The following CUX1 variants were observed in gnomAD, a reference collection of about 807,000 sequenced individuals.
The protein encoded by CUX1 is protein CASP.
CUX1 carries 31 observed loss-of-function variants against 158.8 expected under a neutral mutation model. That is an observed-to-expected ratio of 0.20 (90% CI 0.15 to 0.26). CUX1 has a LOEUF of 0.26. Ranked by LOEUF, CUX1 falls within the 10% of genes least tolerant of loss-of-function variation. CUX1 has a pLI of 1.00. For synonymous variants in CUX1, 879 were observed against 862.1 expected, an observed-to-expected ratio of 1.02 and a Z score of -0.34; for missense variants, 1,589 against 2,014.6, an observed-to-expected ratio of 0.79 and a Z score of 4.04.
intron 2 of CUX1, among the ~76,000 whole-genome samples, chr7:101,990,907 G>A (rs1169062974): frequency 6.6e-6 from 1 of 152,100 alleles, no homozygotes; most frequent in African/African-American, 2.4e-5. Flanking sequence ...GGTCCCTGGG[G>A]GTAAAGTGCC....
intron 1 of CUX1, among the ~76,000 whole-genome samples, chr7:101,850,958 AT>A (rs1475111653): frequency 6.6e-6 from 1 of 152,088 alleles, no homozygotes; most frequent in East Asian, 1.9e-4. Context: ...AAATAAAAAA[AT>A]TATCCAGGTG....
At chr7:102,154,477 T>A (rs1372252384) in intron 8 of CUX1, 1 of 147,780 alleles carries the variant, frequency 6.8e-6, no homozygotes, top group Non-Finnish European at 1.5e-5. Context: ...AAAAATTAGC[T>A]AGGCATGGTG....
intron 1 of CUX1, among the ~76,000 whole-genome samples, chr7:101,898,380 C>T (rs866390855): frequency 1.3e-5 from 2 of 152,154 alleles, no homozygotes; most frequent in South Asian, 2.1e-4. Context: ...CTGGGCTCCC[C>T]GTGTTTAAAG....
intron 1 of CUX1, among the ~76,000 whole-genome samples, chr7:101,894,926 C>T (rs1007898422): frequency 2.0e-5 from 3 of 152,052 alleles, no homozygotes; most frequent in African/African-American, 7.2e-5. Flanking sequence ...TGATTGAGCT[C>T]CCTGAGTGCT....
At chr7:101,867,958 G>T (rs188557498) in intron 1 of CUX1, among the ~76,000 whole-genome samples, 4 of 152,032 alleles carry the variant, frequency 2.6e-5, no homozygotes, top group African/African-American at 9.7e-5. Context: ...TGATCTGCCC[G>T]CCTTGGCCTC....
intron 21 of CUX1, among the ~76,000 whole-genome samples, chr7:102,229,155 G>A (rs906133234): frequency 7.2e-5 from 11 of 152,122 alleles, no homozygotes; most frequent in South Asian, 2.1e-4. Flanking sequence ...AACTCACTCC[G>A]TCACCCTGGC....
intron 11 of CUX1, 77 bp from the exon 12 acceptor site, chr7:102,189,736 C>T (rs1008561078): frequency 3.1e-5 from 46 of 1,492,544 alleles, no homozygotes; most frequent in Middle Eastern, 1.8e-4. Flanking sequence ...CTGGCTGTTC[C>T]GCAGTGAATG....
chr7:101,971,054 T>C (rs994121692), intron 2 of CUX1, among the ~76,000 whole-genome samples: 3 of 152,230 alleles, frequency 2.0e-5, no homozygotes, highest in African/African-American at 4.8e-5. Context: ...TATCTACTAA[T>C]TTAATCCTGA....
intron 2 of CUX1, among the ~76,000 whole-genome samples, chr7:101,920,452 C>G (rs1804781671): frequency 6.6e-6 from 1 of 151,748 alleles, no homozygotes; most frequent in Non-Finnish European, 1.5e-5. Flanking sequence ...AGAAACAGAG[C>G]CTTTTGCTGT....
At chr7:101,898,608 T>G (rs1463538815) in intron 1 of CUX1, among the ~76,000 whole-genome samples, 1 of 149,316 alleles carries the variant, frequency 6.7e-6, no homozygotes, top group African/African-American at 2.5e-5. Flanking sequence ...TTTTTTTTTT[T>G]GAGACAGAGT....
chr7:102,206,116 A>G (rs378011), intron 20 of CUX1, among the ~76,000 whole-genome samples: 108,151 of 152,120 alleles, frequency 0.71, 38,808 homozygotes, highest in East Asian at 0.95. Context: ...CATGTGTAGC[A>G]CGGGGAACAG....
Position 102,249,108 on chromosome 7 carries a change from C to T in CUX1, c.*66C>T. On this transcript the variant is annotated 3_prime_UTR_variant, in exon 24 of 24. Coordinates refer to ENST00000292535, the MANE Select transcript of CUX1 (RefSeq NM_181552.4). ...AGGGCCTGGACGGGGTCGGACGGGGCAGGCGCTGCGGACACCGTGGCCTGG... is the reference window on the plus strand; with the variant it reads ...AGGGCCTGGACGGGGTCGGACGGGGTAGGCGCTGCGGACACCGTGGCCTGG... 1 of 1,194,048 alleles carries T rather than the reference C, an allele frequency of 8.4e-7. No homozygotes were observed. Among genetic ancestry groups the T allele is most frequent in the Non-Finnish European group, 1.0e-6 (1 of 960,360 alleles). The allele number at this position is 1,194,048 out of a possible 1,614,324, so 74.0% of individuals were successfully genotyped here.
intron 13 of CUX1, among the ~76,000 whole-genome samples, chr7:102,195,116 CAA>C (rs35700064): frequency 1.1e-3 from 131 of 123,318 alleles, no homozygotes; most frequent in South Asian, 1.1e-3. Context: ...TTGTGGCTGG[CAA>C]AAAAAAAAAA....
At chr7:101,849,744 A>G (rs1380019556) in intron 1 of CUX1, among the ~76,000 whole-genome samples, 1 of 152,048 alleles carries the variant, frequency 6.6e-6, no homozygotes, top group African/African-American at 2.4e-5. Flanking sequence ...CAGGTCTTTG[A>G]GGAATCATCA....
chr7:101,830,003 G>A (rs1394098959), intron 1 of CUX1, among the ~76,000 whole-genome samples: 5 of 152,232 alleles, frequency 3.3e-5, no homozygotes, highest in Non-Finnish European at 7.3e-5. Flanking sequence ...GGAGCGGCCT[G>A]CCCTATCTGT....
intron 22 of CUX1, chr7:102,282,937 C>G: frequency 3.9e-6 from 4 of 1,012,948 alleles, no homozygotes; most frequent in Non-Finnish European, 6.1e-6. Context: ...TCCACTACCC[C>G]CTAGCCCCAC....
chr7:102,010,064 C>T (rs1239741505), intron 2 of CUX1, among the ~76,000 whole-genome samples: 7 of 152,030 alleles, frequency 4.6e-5, no homozygotes, highest in Non-Finnish European at 8.8e-5. Flanking sequence ...GGTGGGCGGC[C>T]TCCCTTGCTG....
chr7:102,245,662 A>C (rs1220937823), intron 23 of CUX1, among the ~76,000 whole-genome samples: 1 of 152,190 alleles, frequency 6.6e-6, no homozygotes, highest in African/African-American at 2.4e-5. Context: ...CACATTTTTC[A>C]GACAAGAAAT....
intron 21 of CUX1, among the ~76,000 whole-genome samples, chr7:102,233,068 C>T (rs890193723): frequency 1.3e-5 from 2 of 152,120 alleles, no homozygotes; most frequent in African/African-American, 4.8e-5. Flanking sequence ...AGAGAGGTCT[C>T]CTGTTTGCTG....
Sources: allele counts gnomAD v4.1 joint callset (sites outside exome capture counted in the v4.1 genomes callset), GRCh38; gene constraint gnomAD v4.1.1; transcripts MANE v1.5; gene names NCBI Gene and HGNC (gene_info 2026-07-23, HGNC 2026-07-21).